METTL16: variants seen among roughly 807,000 people sequenced by gnomAD.
METTL16 encodes RNA N(6)-adenosine-methyltransferase METTL16.
Under a neutral mutation model 57.9 loss-of-function variants are expected in METTL16, and 19 were observed. The observed-to-expected ratio is 0.33, with a 90% confidence interval of 0.23 to 0.48. The LOEUF (loss-of-function observed/expected upper bound fraction) is 0.48, where lower values mean the gene tolerates loss of function less well. Ranked by LOEUF, METTL16 falls within the 20% of genes least tolerant of loss-of-function variation. The pLI is 0.99. For synonymous variants in METTL16, 246 were observed against 255.6 expected (o/e 0.96, Z 0.36); for missense variants, 434 against 691.5 (o/e 0.63, Z 4.18).
At chr17:2,446,403 G>A (rs960376197) in intron 6 of METTL16, among the ~76,000 whole-genome samples, 3 of 152,186 alleles carry the variant, frequency 2.0e-5, no homozygotes, top group Admixed American at 1.3e-4. Flanking sequence ...GGTCTTCTAC[G>A]CAGAAAATTC....
intron 2 of METTL16, among the ~76,000 whole-genome samples, chr17:2,488,269 A>T (rs1178146228): frequency 6.6e-6 from 1 of 152,060 alleles, no homozygotes; most frequent in African/African-American, 2.4e-5. Flanking sequence ...AAAAGAAGGA[A>T]ATCCCAGCCC....
chr17:2,453,593 G>C (rs898715313), intron 6 of METTL16, among the ~76,000 whole-genome samples: 5 of 152,252 alleles, frequency 3.3e-5, no homozygotes, highest in Middle Eastern at 3.4e-3. Context: ...TCTTTACTTT[G>C]TAAACTCCCA....
At chr17:2,488,295 G>A (rs1461519132) in intron 2 of METTL16, among the ~76,000 whole-genome samples, 3 of 152,010 alleles carry the variant, frequency 2.0e-5, no homozygotes, top group South Asian at 2.1e-4. Flanking sequence ...AGTGGCTCAC[G>A]CCTGTAATCC....
intron 1 of METTL16, among the ~76,000 whole-genome samples, chr17:2,504,117 C>G (rs900630281): frequency 6.6e-6 from 1 of 152,140 alleles, no homozygotes; most frequent in African/African-American, 2.4e-5. Flanking sequence ...AAACCACACA[C>G]AAAAGGACAA....
At chr17:2,441,820 T>C (rs2066954469) in intron 6 of METTL16, among the ~76,000 whole-genome samples, 1 of 152,164 alleles carries the variant, frequency 6.6e-6, no homozygotes, top group Non-Finnish European at 1.5e-5. Flanking sequence ...ATGTATTAAA[T>C]ATTTGGAAAA....
At chr17:2,454,566 T>TC (rs2067095482) in intron 6 of METTL16, among the ~76,000 whole-genome samples, 1 of 131,448 alleles carries the variant, frequency 7.6e-6, no homozygotes, top group Non-Finnish European at 1.6e-5. Context: ...TATTATTATT[T>TC]TTTTTTTTTT....
At chr17:2,447,196 CCAT>C in intron 6 of METTL16, among the ~76,000 whole-genome samples, 2 of 148,014 alleles carry the variant, frequency 1.4e-5, no homozygotes, top group Middle Eastern at 6.8e-3. Flanking sequence ...GCCCGGCCGC[CCAT>C]CGTCTGAGAT....
At chr17:2,423,351 C>A (rs2066782856) in intron 8 of METTL16, among the ~76,000 whole-genome samples, 1 of 151,148 alleles carries the variant, frequency 6.6e-6, no homozygotes, top group African/African-American at 2.4e-5. Flanking sequence ...TAAGACCTGT[C>A]TGAACCTGAA....
chr17:2,424,934 C>T (rs901329318), intron 8 of METTL16, among the ~76,000 whole-genome samples: 1 of 149,822 alleles, frequency 6.7e-6, no homozygotes, highest in African/African-American at 2.5e-5. Context: ...GGTGACAGAG[C>T]GAGACTCCGT....
At chr17:2,509,302 C>A (rs1467617126) in intron 1 of METTL16, among the ~76,000 whole-genome samples, 1 of 152,190 alleles carries the variant, frequency 6.6e-6, no homozygotes, top group Admixed American at 6.6e-5. Context: ...ACTGTTACTA[C>A]ATTTTGCCCC....
chr17:2,474,691 C>T (rs1597461237), intron 3 of METTL16, among the ~76,000 whole-genome samples: 1 of 152,278 alleles, frequency 6.6e-6, no homozygotes, highest in East Asian at 1.9e-4. Context: ...TTTGGGAGGC[C>T]GAGGCAGGCG....
At chr17:2,456,372 G>A (rs2067110361) in intron 6 of METTL16, among the ~76,000 whole-genome samples, 1 of 152,158 alleles carries the variant, frequency 6.6e-6, no homozygotes, top group Non-Finnish European at 1.5e-5. Context: ...AGTTCAGTAA[G>A]AAACAAGAAG....
chr17:2,438,295 T>C (rs1427712304), intron 7 of METTL16, 97 bp from the exon 8 acceptor site: 3 of 855,740 alleles, frequency 3.5e-6, no homozygotes, highest in Admixed American at 1.8e-5. Flanking sequence ...ATCCTTCTTT[T>C]TAATCAGTTA....
intron 7 of METTL16, among the ~76,000 whole-genome samples, chr17:2,439,527 C>T (rs1447449491): frequency 6.6e-6 from 1 of 152,178 alleles, no homozygotes; most frequent in Middle Eastern, 3.4e-3. Context: ...GTGCTGTTCC[C>T]CCAGAGCTAA....
intron 2 of METTL16, among the ~76,000 whole-genome samples, chr17:2,487,086 A>G (rs910750029): frequency 6.6e-6 from 1 of 151,262 alleles, no homozygotes; most frequent in African/African-American, 2.4e-5. Context: ...GGAATTAGAG[A>G]TATTTTGGAG....
intron 6 of METTL16, among the ~76,000 whole-genome samples, chr17:2,463,993 G>T (rs1453090995): frequency 2.0e-5 from 3 of 151,802 alleles, no homozygotes; most frequent in Non-Finnish European, 2.9e-5. Context: ...ACAGGTGGCA[G>T]GTGCCTGTAA....
chr17:2,420,202 C>T lies in METTL16; in HGVS notation c.1457G>A (p.Gly486Glu), dbSNP rs1368039971. Reference protein sequence around the residue: ...VLESCQGSSNGAQDQEASEQF... With the variant: ...VLESCQGSSNEAQDQEASEQF... ...CTCAGAAGCCTCTTGGTCCTGGGCT[C>T]CGTTGCTAGAGCCTTGACAACTTTC... Residue 486 changes from glycine to glutamate, a missense_variant, in exon 10 of 10, where the codon GGA becomes GAA. Around this residue, in one of 5 missense-constraint regions of METTL16, gnomAD observed 168 missense variants for 149.6 expected, o/e 1.12. Coordinates refer to ENST00000263092, the MANE Select transcript of METTL16 (RefSeq NM_024086.4). This position sits in a 1 kb window ranked among gnomAD's most constrained non-coding sequence, Gnocchi z 5.4. 6.2e-7 allele frequency: 1 copy of T among 1,614,262 alleles called. No homozygotes were observed. The highest frequency in any genetic ancestry group is 8.5e-7 in the Non-Finnish European group (1 of 1,180,046).
Position 2,420,185 on chromosome 17 carries a change from C to T in METTL16, c.1474G>A (p.Ala492Thr). The change falls in exon 10 of 10, where the codon GCT (alanine) becomes ACT (threonine). Residue 492 changes from alanine (A) to threonine (T), a missense_variant. By Grantham distance (58) the Ala-to-Thr change is moderately conservative (BLOSUM62 0). This residue lies in a region of METTL16 where 168 missense variants were observed against 149.6 expected (regional missense o/e 1.12). Coordinates refer to ENST00000263092, the MANE Select transcript of METTL16 (RefSeq NM_024086.4). This position sits in a 1 kb window ranked among gnomAD's most constrained non-coding sequence, Gnocchi z 5.4. ...GSSNGAQDQE[A>T]SEQFGSPVAE... ...ACTGGGCTGCCGAACTGCTCAGAAG[C>T]CTCTTGGTCCTGGGCTCCGTTGCTA... The T allele has an allele frequency of 6.2e-7, 1 of 1,614,242 alleles. No homozygotes were observed.
At chr17:2,425,805 G>T (rs990682077) in intron 8 of METTL16, among the ~76,000 whole-genome samples, 6 of 151,934 alleles carry the variant, frequency 3.9e-5, no homozygotes, top group African/African-American at 1.5e-4. Flanking sequence ...TCCCACCTCA[G>T]TCTTCTGAGT....
Sources: allele counts gnomAD v4.1 joint callset (sites outside exome capture counted in the v4.1 genomes callset), GRCh38; gene constraint gnomAD v4.1.1; regional missense constraint gnomAD v4.1.1; non-coding constraint Gnocchi (gnomAD v3.1); transcripts MANE v1.5; gene names NCBI Gene and HGNC (gene_info 2026-07-23, HGNC 2026-07-21).